Variants in TMEM145 observed in about 807,000 individuals in gnomAD.
TMEM145 encodes the protein transmembrane protein 145.
In TMEM145, 46 loss-of-function variants were observed where a neutral mutation model predicts 68.5. The observed-to-expected ratio is 0.67, with a 90% confidence interval of 0.53 to 0.86. The LOEUF is 0.86. Among genes scored for constraint, TMEM145 ranks in the 40% least tolerant of loss-of-function variants. TMEM145 has a pLI of 0.00. For missense variants in TMEM145, 570 were observed against 645.8 expected (o/e 0.88, Z 1.27); for synonymous variants, 255 against 280.2 (o/e 0.91, Z 0.90).
chr19:42,317,002 C>G, intron 11 of TMEM145, 39 bp downstream of exon 11: 1 of 1,577,576 alleles, frequency 6.3e-7, no homozygotes, highest in Non-Finnish European at 8.6e-7. Flanking sequence ...CTGCCTTCCC[C>G]TGCTTTTGGC....
chr19:42,318,163 T>G (rs900612955), intron 12 of TMEM145, among the ~76,000 whole-genome samples: 2 of 151,000 alleles, frequency 1.3e-5, no homozygotes, highest in African/African-American at 2.4e-5. Flanking sequence ...GTCAGGAGAT[T>G]GAGACCATCC....
intron 14 of TMEM145, chr19:42,324,370 C>A (rs550219729): frequency 2.0e-6 from 2 of 985,276 alleles, no homozygotes; most frequent in East Asian, 1.1e-4. Context: ...CAGCCTCCCC[C>A]CCACTTCCCG....
intron 13 of TMEM145, 117 bp from the exon 14 acceptor site, chr19:42,323,466 G>A (rs2038929978): frequency 1.0e-6 from 1 of 962,180 alleles, no homozygotes; most frequent in Non-Finnish European, 1.6e-6. Flanking sequence ...CAGTGTGAAT[G>A]GCTTCAGGGA....
At chr19:42,317,668 G>A (rs776602908) in intron 11 of TMEM145, 41 bp from the exon 12 acceptor site, 2 of 1,610,042 alleles carry the variant, frequency 1.2e-6, no homozygotes, top group Middle Eastern at 1.7e-4. Context: ...TAATAGAGGG[G>A]AGGAGGCCAG....
Position 42,323,762 on chromosome 19 carries a change from C to T in TMEM145, c.1374C>T (p.Leu458=), listed in dbSNP as rs750867004. ...ACTCGGTGCCCAACTTCACGGAGCT[C>T]TTCTCCATCCCCCCGCCCGCCACCT... The part of the protein sequence containing the change: ...ISDSVPNFTE[L]FSIPPPATSP... The change falls in exon 14 of 15, where the codon CTC becomes CTT. Residue 458 remains leucine (L), a synonymous_variant. Coordinates refer to ENST00000301204, the MANE Select transcript of TMEM145 (RefSeq NM_173633.3). 8.7e-6 allele frequency: 14 copies of T among 1,614,146 alleles called. No homozygotes were observed. Among genetic ancestry groups the T allele is most frequent in the Non-Finnish European group, 1.1e-5 (13 of 1,179,992 alleles).
At chr19:42,324,287 C>T (rs896451816) in intron 14 of TMEM145, 23 of 985,088 alleles carry the variant, frequency 2.3e-5, no homozygotes, top group Non-Finnish European at 6.0e-6. Context: ...GGCCGGGAAG[C>T]AGGTGGAGGA....
intron 13 of TMEM145, among the ~76,000 whole-genome samples, chr19:42,323,275 T>A (rs1478491640): frequency 1.3e-5 from 2 of 152,188 alleles, no homozygotes; most frequent in Non-Finnish European, 2.9e-5. Context: ...TTAAATTTTA[T>A]TTTGATTAAA....
chr19:42,316,897 G>A lies in TMEM145; in HGVS notation c.834G>A (p.Val278=). The change falls in exon 11 of 15, where the codon GTG becomes GTA. Residue 278 remains valine (V), a synonymous_variant. Transcript: ENST00000301204. Reference sequence around the variant, plus strand: ...GCCGCATCAGCCACGCGGGCTCCGTGAAGTTGTCTGTCTACATGACCCTGT... The same window carrying A: ...GCCGCATCAGCCACGCGGGCTCCGTAAAGTTGTCTGTCTACATGACCCTGT... ...TRGRISHAGS[V]KLSVYMTLYT... 6.2e-7 allele frequency: 1 copy of A among 1,613,746 alleles called. No homozygotes were observed. Among genetic ancestry groups the A allele is most frequent in the Non-Finnish European group, 8.5e-7 (1 of 1,179,962 alleles).
At chr19:42,323,104 T>A (rs1232497740) in intron 13 of TMEM145, among the ~76,000 whole-genome samples, 1 of 152,182 alleles carries the variant, frequency 6.6e-6, no homozygotes, top group Non-Finnish European at 1.5e-5. Context: ...ATCGAGACAT[T>A]TTAGAGTCTA....
At position 42,320,389 on chromosome 19, in the gene TMEM145, C is replaced by G. The variant is rs2038900040; in HGVS notation, c.1146C>G (p.Val382=). 6.2e-7 allele frequency: 1 copy of G among 1,614,160 alleles called. No homozygotes were observed. Among genetic ancestry groups the G allele is most frequent in the Non-Finnish European group, 8.5e-7 (1 of 1,180,038 alleles). The stretch of plus-strand genomic sequence containing the variant: ...CCAAGTGGGCCCGGGAGAAGATTGT[C>G]AATGGCATCCAGCTGGGGATCCACT... ...GIPKWAREKI[V]NGIQLGIHLY... is the part of the protein sequence containing the mutation. The change falls in exon 13 of 15, where the codon GTC becomes GTG. Residue 382 remains valine, a synonymous_variant. Transcript: ENST00000301204.
rs1033363076 is a variant in TMEM145 at position 42,315,546 on chromosome 19, G to T, written c.646+106G>T. 5 of 1,252,780 alleles carry T rather than the reference G, an allele frequency of 4.0e-6. No individual in the cohort carries two copies. In the Admixed American group the frequency reaches 7.9e-5, roughly 20 times the overall value. 77.6% of individuals were successfully genotyped at this position (1,252,780 alleles called of 1,614,324 possible). A position where few individuals can be genotyped will look rare whatever the true frequency, so the allele number is the denominator to read the frequency against. ...GGGGGCCTGGACTCCTGGGTCCTGGGGGAGGAGGGGCTGGGGGCCTGGACT... is the reference window on the plus strand; with the variant it reads ...GGGGGCCTGGACTCCTGGGTCCTGGTGGAGGAGGGGCTGGGGGCCTGGACT... On this transcript the variant is annotated intron_variant, in intron 8 of 14. Transcript: ENST00000301204.
intron 13 of TMEM145, chr19:42,320,920 C>T (rs181453492): frequency 7.6e-4 from 301 of 398,140 alleles, no homozygotes; most frequent in South Asian, 1.7e-3. Flanking sequence ...TGGGCCACCT[C>T]GCCGGGCCCA....
chr19:42,322,910 A>G (rs2038924762), intron 13 of TMEM145, among the ~76,000 whole-genome samples: 1 of 152,078 alleles, frequency 6.6e-6, no homozygotes. Context: ...CATGTTGGCC[A>G]TGCTGGTCTC....
At position 42,314,999 on chromosome 19, in the gene TMEM145, G is replaced by A. The variant is rs373644569; in HGVS notation, c.427G>A (p.Gly143Arg). The change falls in exon 6 of 15, where the codon GGA (glycine) becomes AGA (arginine). Residue 143 changes from glycine to arginine, a missense_variant. Physicochemically the swap from Gly to Arg is moderately radical, Grantham distance 125. Transcript: ENST00000301204. ...SSGRSFRSGD[G>R]LQLEYEMVLT... ...GCCTCCCTACCCCCCACAGGGTGATGGATTGCAGCTGGAGTATGAGATGGT... is the reference window on the plus strand; with the variant it reads ...GCCTCCCTACCCCCCACAGGGTGATAGATTGCAGCTGGAGTATGAGATGGT... 1 of 1,613,966 alleles carries A rather than the reference G, an allele frequency of 6.2e-7. No individual in the cohort carries two copies. The highest frequency in any genetic ancestry group is 1.3e-5 in the African/African-American group (1 of 74,882).
At chr19:42,323,907 T>C in intron 14 of TMEM145, 118 bp downstream of exon 14, 1 of 870,450 alleles carries the variant, frequency 1.1e-6, no homozygotes, top group Non-Finnish European at 1.7e-6. Flanking sequence ...TCCTCCTGCC[T>C]TTCGCACTCC....
intron 9 of TMEM145, 35 bp from the exon 10 acceptor site, chr19:42,316,627 C>T: frequency 6.2e-7 from 1 of 1,613,780 alleles, no homozygotes; most frequent in Non-Finnish European, 8.5e-7. Flanking sequence ...AGGTCTGAGC[C>T]TGGCTCTGAG....
chr19:42,321,355 A>G (rs1292805062), intron 13 of TMEM145: 16 of 370,734 alleles, frequency 4.3e-5, no homozygotes, highest in Non-Finnish European at 7.1e-5. Flanking sequence ...AGCTGGGACT[A>G]CAGGAGCACG....
intron 11 of TMEM145, 135 bp downstream of exon 11, chr19:42,317,098 G>C: frequency 1.4e-6 from 1 of 736,620 alleles, no homozygotes. Context: ...TCGATTTTCT[G>C]CTTTCCCATC....
intron 14 of TMEM145, 83 bp from the exon 15 acceptor site, chr19:42,324,654 A>G: frequency 1.2e-5 from 2 of 169,596 alleles, no homozygotes; most frequent in Admixed American, 4.2e-4. Flanking sequence ...CCGCGCGCCC[A>G]GGTTGGGTAC....
Sources: allele counts gnomAD v4.1 joint callset (sites outside exome capture counted in the v4.1 genomes callset), GRCh38; gene constraint gnomAD v4.1.1; transcripts MANE v1.5; gene names NCBI Gene and HGNC (gene_info 2026-07-23, HGNC 2026-07-21).